The following ANAPC7 variants were observed in gnomAD, a reference collection of about 807,000 sequenced individuals.
The protein encoded by ANAPC7 is anaphase promoting complex subunit 7, also known as anaphase-promoting complex subunit 7.
A neutral mutation model predicts 63.3 loss-of-function variants in ANAPC7; 25 were observed. That is an observed-to-expected ratio of 0.39 (90% CI 0.29 to 0.55). The LOEUF (loss-of-function observed/expected upper bound fraction) is 0.55, where lower values mean the gene tolerates loss of function less well. ANAPC7 is among the 20% of genes least tolerant of loss of function. The pLI is 0.57. For missense variants in ANAPC7, 516 were observed against 691.7 expected (o/e 0.75, Z 2.85); for synonymous variants, 241 against 251.7 (o/e 0.96, Z 0.40).
rs377710126 is a variant in ANAPC7, at chr12:110,394,490, G to A, written c.408+611C>T. On this transcript the variant is annotated intron_variant, in intron 3 of 10. Coordinates refer to ENST00000455511, the MANE Select transcript of ANAPC7 (RefSeq NM_016238.3). ...AAAAATACAAAAAAATTAGCCTGGC[G>A]TGGTGGCAGGCGCCTATAATCCCAG... Among the ~76,000 whole-genome samples the A allele has an allele frequency of 6.1e-4, 92 of 151,648 alleles. 2 individuals are homozygous for A. In the East Asian group the frequency reaches 0.014, roughly 24 times the overall value.
At chr12:110,384,523 T>C (rs1310376797) in intron 6 of ANAPC7, among the ~76,000 whole-genome samples, 1 of 150,662 alleles carries the variant, frequency 6.6e-6, no homozygotes, top group Admixed American at 6.6e-5. Context: ...CCATCTCTAC[T>C]AAAAATACAA....
intron 8 of ANAPC7, among the ~76,000 whole-genome samples, chr12:110,381,135 T>C (rs1881807032): frequency 6.6e-6 from 1 of 150,522 alleles, no homozygotes; most frequent in South Asian, 2.1e-4. Context: ...ATTATGAAAG[T>C]ATGGGGTGAC....
At chr12:110,376,730 C>T (rs185918144) in intron 9 of ANAPC7, among the ~76,000 whole-genome samples, 6 of 143,728 alleles carry the variant, frequency 4.2e-5, no homozygotes, top group Admixed American at 2.8e-4. Context: ...AAGGGCCAAA[C>T]GGGAAGTCAT....
intron 1 of ANAPC7, among the ~76,000 whole-genome samples, chr12:110,402,658 G>A (rs577846664): frequency 2.6e-5 from 4 of 151,706 alleles, no homozygotes; most frequent in Non-Finnish European, 5.9e-5. Context: ...AGCAGGAGAG[G>A]GACATGCACT....
At chr12:110,384,271 C>T (rs1024956647) in intron 6 of ANAPC7, among the ~76,000 whole-genome samples, 5 of 151,986 alleles carry the variant, frequency 3.3e-5, no homozygotes, top group African/African-American at 1.2e-4. Flanking sequence ...GTGGCACATG[C>T]CTGTGGTCCC....
At chr12:110,383,793 T>C (rs1882165785) in intron 6 of ANAPC7, among the ~76,000 whole-genome samples, 1 of 143,328 alleles carries the variant, frequency 7.0e-6, no homozygotes, top group Non-Finnish European at 1.5e-5. Flanking sequence ...GGAGAATCGC[T>C]TGAATCAGGG....
chr12:110,399,022 CTT>C (rs764219174), intron 1 of ANAPC7, among the ~76,000 whole-genome samples: 27 of 136,190 alleles, frequency 2.0e-4, no homozygotes, highest in South Asian at 2.4e-4. Flanking sequence ...CTGAATAATT[CTT>C]TTTTTTTTTT....
rs532206551 is a variant in ANAPC7, at chr12:110,393,800, G to C, written c.408+1301C>G. 3.4e-5 allele frequency among the ~76,000 whole-genome samples: 5 copies of C among 148,678 alleles called. No homozygotes were observed. The South Asian group carries it at 1.1e-3, about 32-fold the overall frequency. The stretch of plus-strand genomic sequence containing the variant: ...GAGAACTGCTTGAACCCGGGAGGCA[G>C]AGGTTGCAGTGAGCTGAGATTGCAC... On this transcript the variant is annotated intron_variant, in intron 3 of 10. Coordinates refer to ENST00000455511, the MANE Select transcript of ANAPC7 (RefSeq NM_016238.3).
intron 7 of ANAPC7, among the ~76,000 whole-genome samples, chr12:110,382,185 A>C (rs1397199976): frequency 6.6e-6 from 1 of 151,454 alleles, no homozygotes; most frequent in East Asian, 1.9e-4. Context: ...AAAAGAACCT[A>C]TGATCTGGAT....
chr12:110,387,287 C>CAGAGAGAGAGACAG (rs1882598257), intron 5 of ANAPC7: 1 of 49,010 alleles, frequency 2.0e-5, no homozygotes, highest in Non-Finnish European at 3.9e-5. Flanking sequence ...GAGAGAGAGA[C>CAGAGAGAGAGACAG]AGAGAGAGAG....
chr12:110,400,878 C>T (rs1295588998), intron 1 of ANAPC7, among the ~76,000 whole-genome samples: 1 of 149,306 alleles, frequency 6.7e-6, no homozygotes, highest in African/African-American at 2.5e-5. Context: ...GAAACCCCAT[C>T]TCTATTAAAA....
intron 3 of ANAPC7, among the ~76,000 whole-genome samples, chr12:110,389,133 C>T (rs1882882950): frequency 6.6e-6 from 1 of 151,372 alleles, no homozygotes; most frequent in South Asian, 2.1e-4. Flanking sequence ...CCCTTCCTTT[C>T]CCTAGCTCCT....
intron 6 of ANAPC7, among the ~76,000 whole-genome samples, chr12:110,384,022 G>A (rs1882215020): frequency 1.3e-5 from 2 of 150,870 alleles, no homozygotes; most frequent in Admixed American, 6.6e-5. Context: ...CCAAGATGGT[G>A]AAACCCCGTC....
At chr12:110,384,915 T>C (rs1267819121) in intron 6 of ANAPC7, among the ~76,000 whole-genome samples, 5 of 152,168 alleles carry the variant, frequency 3.3e-5, no homozygotes, top group African/African-American at 1.2e-4. Flanking sequence ...TCAGAAAAAG[T>C]TGGCCTATTC....
At position 110,376,578 on chromosome 12, in the gene ANAPC7, A is replaced by AAAAAAAG. The variant is rs1247559403; in HGVS notation, c.1358-363_1358-362insCTTTTTT. The stretch of plus-strand genomic sequence containing the variant: ...AGCGAGACTCCATCTCAAAAAAAAA[A>AAAAAAAG]AAAAAAAAGAAATTTGCAGTTTGAA... On this transcript the variant is annotated intron_variant, in intron 9 of 10. Transcript: ENST00000455511. Among the ~76,000 whole-genome samples the AAAAAAAG allele has an allele frequency of 2.5e-4, 38 of 150,984 alleles. 2 individuals carry two copies. The highest frequency in any genetic ancestry group is 8.3e-4 in the African/African-American group (34 of 41,154).
In ANAPC7 at chr12:110,381,883, A is replaced by T; in HGVS notation, c.1001T>A (p.Leu334Gln). 6.3e-7 allele frequency: 1 copy of T among 1,592,988 alleles called. No homozygotes were observed. The highest frequency in any genetic ancestry group is 8.6e-7 in the Non-Finnish European group (1 of 1,167,854). Residue 334 changes from leucine (L) to glutamine (Q), a missense_variant, in exon 8 of 11, where the codon CTG (leucine) becomes CAG (glutamine). Coordinates refer to ENST00000455511, the MANE Select transcript of ANAPC7 (RefSeq NM_016238.3). ...CAGAGCTTGAACACTATTACTGTTC[A>T]GCTGAATGGCCTTGGCTCCTAAATA... is the stretch of plus-strand genomic sequence containing the variant. ...ALYLGAKAIQ[L>Q]NSNSVQALLL... is the part of the protein sequence containing the mutation.
intron 9 of ANAPC7, among the ~76,000 whole-genome samples, chr12:110,376,674 A>G (rs900953553): frequency 5.3e-5 from 8 of 151,806 alleles, no homozygotes; most frequent in African/African-American, 1.4e-4. Context: ...AAATTCAATG[A>G]ACCAAATTAT....
In ANAPC7 at chr12:110,386,232, A is replaced by C. The variant is rs114106793; in HGVS notation, c.817+95T>G. On this transcript the variant is annotated intron_variant, in intron 6 of 10. Transcript: ENST00000455511. ...TAAGTTTTATACACCATTTCTATGA[A>C]ACTTGGTATCGAGTATTAATGCTGC... The C allele has an allele frequency of 2.6e-4, 404 of 1,534,808 alleles. 1 individual carries two copies. The African/African-American group carries it at 5.2e-3, about 20-fold the overall frequency.
At chr12:110,385,264 C>G (rs1882352185) in intron 6 of ANAPC7, among the ~76,000 whole-genome samples, 1 of 152,174 alleles carries the variant, frequency 6.6e-6, no homozygotes, top group Non-Finnish European at 1.5e-5. Flanking sequence ...GAAACTCCGT[C>G]TCAAACAAAC....
Sources: gnomAD v4.1 joint callset for allele counts (sites outside exome capture counted in the v4.1 genomes callset) on GRCh38, gnomAD v4.1.1 for gene constraint, MANE v1.5 for transcripts, NCBI Gene and HGNC (gene_info 2026-07-23, HGNC 2026-07-21) for gene names.